The following NUTM2B variants were observed in gnomAD, a reference collection of about 807,000 sequenced individuals.
NUTM2B encodes the protein family with sequence similarity 22, member B.
Under a neutral mutation model 42.4 loss-of-function variants are expected in NUTM2B, and 2 were observed. That is an observed-to-expected ratio of 0.05 (90% CI 0.02 to 0.15). The LOEUF is 0.15. Ranked by LOEUF, NUTM2B falls within the 10% of genes least tolerant of loss-of-function variation. NUTM2B has a pLI of 1.00. For missense variants in NUTM2B, 58 were observed against 952.6 expected, an observed-to-expected ratio of 0.06 and a Z score of 12.36; for synonymous variants, 18 against 402.4, an observed-to-expected ratio of 0.04 and a Z score of 11.43.
the NUTM2B span, among the ~76,000 whole-genome samples, chr10:79,694,954 C>T: frequency 4.6e-5 from 7 of 152,300 alleles, no homozygotes; most frequent in African/African-American, 1.4e-4. Context: ...AGGGGTGCCC[C>T]AGACAGGAGC....
At chr10:79,699,164 T>A (rs981490723), upstream of NUTM2B, among the ~76,000 whole-genome samples, 1 of 151,656 alleles carries the variant, frequency 6.6e-6, no homozygotes, top group African/African-American at 2.4e-5. Context: ...TTCCTACATT[T>A]CCCAAATACG....
the NUTM2B span, among the ~76,000 whole-genome samples, chr10:79,693,317 G>A: frequency 6.6e-6 from 1 of 152,172 alleles, no homozygotes; most frequent in African/African-American, 2.4e-5. Context: ...TGTCACTATA[G>A]GGCACCAGGG....
chr10:79,694,867 T>C, the NUTM2B span, among the ~76,000 whole-genome samples: 1 of 152,078 alleles, frequency 6.6e-6, no homozygotes, highest in South Asian at 2.1e-4. Context: ...TCCTTGACTC[T>C]ACCCTCCTCA....
chr10:79,694,464 C>T, the NUTM2B span, among the ~76,000 whole-genome samples: 1 of 152,134 alleles, frequency 6.6e-6, no homozygotes, highest in South Asian at 2.1e-4. Flanking sequence ...ATGCGCTTGC[C>T]ACTCCAGGGG....
intron 5 of NUTM2B, among the ~76,000 whole-genome samples, chr10:79,711,008 T>C (rs1430284480): frequency 2.3e-5 from 3 of 131,464 alleles, no homozygotes; most frequent in Non-Finnish European, 4.8e-5. Flanking sequence ...TGTGTCTGTG[T>C]CTTTTCCTGT....
chr10:79,698,969 ACTC>A (rs1840268261), upstream of NUTM2B, among the ~76,000 whole-genome samples: 2 of 152,014 alleles, frequency 1.3e-5, no homozygotes, highest in Admixed American at 1.3e-4. Flanking sequence ...CACAGAAATA[ACTC>A]CTCCATCTTC....
chr10:79,709,411 G>C lies in NUTM2B; in HGVS notation c.1212-389G>C, dbSNP rs796863667. Among the ~76,000 whole-genome samples, 71 of 134,152 alleles carry C rather than the reference G, an allele frequency of 5.3e-4. 2 individuals are homozygous for C. In the South Asian group the frequency reaches 0.02, roughly 38 times the overall value. The allele number at this position is 134,152 out of a possible 152,430, so 88.0% of individuals were successfully genotyped here. ...CCTGACCAGGAGTCTCCCAGGCCTC[G>C]TGCCCCTGGGTTATCTTTCAGGGGC... On this transcript the variant is annotated intron_variant, in intron 3 of 6. Transcript: ENST00000429828.
chr10:79,707,340 GAT>G (rs1840411668), intron 2 of NUTM2B, among the ~76,000 whole-genome samples: 1 of 132,466 alleles, frequency 7.5e-6, no homozygotes, highest in Non-Finnish European at 1.6e-5. Flanking sequence ...ATGGTGAAGA[GAT>G]AACTTGAGCT....
chr10:79,694,116 G>A, the NUTM2B span, among the ~76,000 whole-genome samples: 368 of 152,244 alleles, frequency 2.4e-3, 1 homozygote, highest in African/African-American at 8.4e-3. Flanking sequence ...GAAACAAGCT[G>A]GCCAGACGTA....
chr10:79,696,867 C>T, the NUTM2B span, among the ~76,000 whole-genome samples: 1 of 150,002 alleles, frequency 6.7e-6, no homozygotes, highest in African/African-American at 2.5e-5. Context: ...TCATGTAAGG[C>T]TCCCATAAAG....
chr10:79,709,417 CT>C (rs1840448866), intron 3 of NUTM2B, among the ~76,000 whole-genome samples: 1 of 134,066 alleles, frequency 7.5e-6, no homozygotes, highest in Non-Finnish European at 1.6e-5. Context: ...CCTCGTGCCC[CT>C]GGGTTATCTT....
chr10:79,702,167 T>C (rs1840324541), upstream of NUTM2B, among the ~76,000 whole-genome samples: 1 of 151,886 alleles, frequency 6.6e-6, no homozygotes, highest in South Asian at 2.1e-4. Flanking sequence ...TGATTTTGCT[T>C]GAATTGCTCT....
Position 79,711,880 on chromosome 10 carries a change from G to T in NUTM2B, c.2032G>T (p.Ala678Ser). Residue 678 changes from alanine to serine, a missense_variant, in exon 7 of 7, where the codon GCC (alanine) becomes TCC (serine). By Grantham distance (99) the Ala-to-Ser change is moderately conservative. Transcript: ENST00000429828. ...GGAAACCTGCCCACCCCAGATGACTGCCCGGGACTCTCAGGGACGAGGCAG... is the reference window on the plus strand; with the variant it reads ...GGAAACCTGCCCACCCCAGATGACTTCCCGGGACTCTCAGGGACGAGGCAG... The T allele has an allele frequency of 2.0e-6, 3 of 1,506,526 alleles. No homozygotes were observed. In the South Asian group the frequency reaches 3.9e-5, roughly 19 times the overall value. The allele number at this position is 1,506,526 out of a possible 1,614,324, so 93.3% of individuals were successfully genotyped here. A position where few individuals can be genotyped will look rare whatever the true frequency, so the allele number is the denominator to read the frequency against.
Position 79,710,367 on chromosome 10 carries a change from CCCTCTCTG to C in NUTM2B, c.1352-10_1352-3del. On this transcript the variant is annotated splice_region_variant and splice_polypyrimidine_tract_variant and intron_variant, in intron 4 of 6. Transcript: ENST00000429828. ...CGGCCCTCACCACGCCCGTCCTCCTCCCTCTCTGCCTCAGTGTACCTTCCCAGCAAGGC... is the reference window on the plus strand; with the variant it reads ...CGGCCCTCACCACGCCCGTCCTCCTCCCTCAGTGTACCTTCCCAGCAAGGC... 6.6e-7 allele frequency: 1 copy of C among 1,514,600 alleles called. No individual in the cohort carries two copies. Among genetic ancestry groups the C allele is most frequent in the Non-Finnish European group, 8.8e-7 (1 of 1,130,574 alleles). 93.8% of individuals were successfully genotyped at this position (1,514,600 alleles called of 1,614,324 possible).
At chr10:79,700,918 C>T (rs374399082), upstream of NUTM2B, among the ~76,000 whole-genome samples, 14,352 of 152,180 alleles carry the variant, frequency 0.094, 873 homozygotes, top group South Asian at 0.21. Context: ...GACAACGCCC[C>T]CTCATTGGAA....
At chr10:79,699,050 A>C (rs1840269198), upstream of NUTM2B, among the ~76,000 whole-genome samples, 1 of 152,106 alleles carries the variant, frequency 6.6e-6, no homozygotes, top group Non-Finnish European at 1.5e-5. Context: ...CCCCCAGTAG[A>C]CATGGATCTG....
At chr10:79,695,205 C>T in the NUTM2B span, among the ~76,000 whole-genome samples, 1 of 152,086 alleles carries the variant, frequency 6.6e-6, no homozygotes, top group African/African-American at 2.4e-5. Context: ...CAATGCTTTC[C>T]ACAAGAAGTC....
At chr10:79,695,022 G>C in the NUTM2B span, among the ~76,000 whole-genome samples, 1 of 152,170 alleles carries the variant, frequency 6.6e-6, no homozygotes, top group East Asian at 1.9e-4. Flanking sequence ...GGCTGCCCAG[G>C]CTCTGTGTCT....
the NUTM2B span, among the ~76,000 whole-genome samples, chr10:79,695,001 G>A: frequency 6.6e-6 from 1 of 152,136 alleles, no homozygotes; most frequent in African/African-American, 2.4e-5. Context: ...AACCCAGGCC[G>A]GAGCGAATCT....
Sources: gnomAD v4.1 joint callset for allele counts (sites outside exome capture counted in the v4.1 genomes callset) on GRCh38, gnomAD v4.1.1 for gene constraint, MANE v1.5 for transcripts, NCBI Gene and HGNC (gene_info 2026-07-23, HGNC 2026-07-21) for gene names.